The following LPIN1 variants were observed in gnomAD, a reference collection of about 807,000 sequenced individuals.
LPIN1 encodes phosphatidate phosphatase LPIN1.
LPIN1 carries 71 observed loss-of-function variants against 107.5 expected under a neutral mutation model. That is an observed-to-expected ratio of 0.66 (90% CI 0.55 to 0.80). LPIN1 has a LOEUF of 0.80. Among genes scored for constraint, LPIN1 ranks in the 30% least tolerant of loss-of-function variants. The probability of loss-of-function intolerance (pLI) is 0.00; values close to 1 mark genes in which losing one functional copy is unlikely to be tolerated. For synonymous variants in LPIN1, 445 were observed against 452.6 expected (o/e 0.98, Z 0.21); for missense variants, 1,043 against 1,160.6 (o/e 0.90, Z 1.47).
intron 6 of LPIN1, among the ~76,000 whole-genome samples, chr2:11,778,011 A>G (rs1295948532): frequency 2.6e-5 from 4 of 152,182 alleles, no homozygotes; most frequent in Admixed American, 2.6e-4. Context: ...TTCCCATTGC[A>G]GTGATACCGA....
chr2:11,784,913 T>G lies in LPIN1; in HGVS notation c.1386T>G (p.His462Gln). ...KNGDPSGLAKHASDNGARSAN... is the reference protein window; with the variant it reads ...KNGDPSGLAKQASDNGARSAN... ...GAGATCCTTCCGGACTCGCAAAACA[T>G]GCAAGCGACAACGGAGCCCGGTCAG... The change falls in exon 10 of 21, where the codon CAT becomes CAG. Residue 462 changes from histidine to glutamine, a missense_variant. Coordinates refer to ENST00000674199, the MANE Select transcript of LPIN1 (RefSeq NM_001349206.2). 6.2e-7 allele frequency: 1 copy of G among 1,613,842 alleles called. No individual in the cohort carries two copies.
intron 1 of LPIN1, among the ~76,000 whole-genome samples, chr2:11,708,193 C>G (rs1359921968): frequency 1.3e-5 from 2 of 152,252 alleles, no homozygotes; most frequent in Middle Eastern, 6.8e-3. Flanking sequence ...TCACTGTTGG[C>G]CCCCCGACAG....
rs905914903 is a variant in LPIN1 at position 11,802,214 on chromosome 2, A to G, written c.1887-693A>G. 2.0e-5 allele frequency among the ~76,000 whole-genome samples: 3 copies of G among 152,324 alleles called. No homozygotes were observed. In the East Asian group the frequency reaches 5.8e-4, roughly 29 times the overall value. ...CAGGATTTTCATTGAGTGAATAGCT[A>G]ATTACAGATATGCATTATGTGAGCT... On this transcript the variant is annotated intron_variant, in intron 14 of 20. Transcript: ENST00000674199.
upstream of LPIN1, among the ~76,000 whole-genome samples, chr2:11,719,908 TTTTTGTTCA>T (rs1161832667): frequency 7.2e-5 from 11 of 152,234 alleles, no homozygotes; most frequent in African/African-American, 2.6e-4. Flanking sequence ...GAATGGTCAT[TTTTTGTTCA>T]GTGAATTCTG....
At chr2:11,728,129 C>T (rs753894448) in intron 1 of LPIN1, among the ~76,000 whole-genome samples, 1 of 152,110 alleles carries the variant, frequency 6.6e-6, no homozygotes, top group Non-Finnish European at 1.5e-5. Context: ...TCTTTACTAC[C>T]ACATCCCATT....
At chr2:11,717,627 T>C (rs1663838595) in intron 2 of LPIN1, among the ~76,000 whole-genome samples, 1 of 152,184 alleles carries the variant, frequency 6.6e-6, no homozygotes, top group Admixed American at 6.6e-5. Context: ...GACCATATTT[T>C]TCATATGGCT....
At chr2:11,737,418 A>C (rs1210295523) in intron 1 of LPIN1, among the ~76,000 whole-genome samples, 1 of 152,264 alleles carries the variant, frequency 6.6e-6, no homozygotes, top group Non-Finnish European at 1.5e-5. Flanking sequence ...TTTGCACAGC[A>C]AAAGAAACTA....
At chr2:11,795,617 T>C (rs1318123461) in intron 14 of LPIN1, 130 bp downstream of exon 14, 14 of 855,108 alleles carry the variant, frequency 1.6e-5, no homozygotes, top group African/African-American at 3.3e-5. Context: ...CTTGGTGACC[T>C]GGAGCAATTT....
At chr2:11,692,172 T>C (rs895240535) in intron 1 of LPIN1, among the ~76,000 whole-genome samples, 4 of 152,262 alleles carry the variant, frequency 2.6e-5, no homozygotes, top group Non-Finnish European at 4.4e-5. Flanking sequence ...CCTAAGGAAA[T>C]GCTGGCATAT....
At chr2:11,768,488 A>G (rs1432256018) in intron 3 of LPIN1, among the ~76,000 whole-genome samples, 2 of 152,104 alleles carry the variant, frequency 1.3e-5, no homozygotes, top group African/African-American at 4.8e-5. Context: ...GAATGGAATT[A>G]CAGTATCTGG....
intron 1 of LPIN1, among the ~76,000 whole-genome samples, chr2:11,688,443 C>T (rs11691729): frequency 0.17 from 26,253 of 152,152 alleles, 2,538 homozygotes; most frequent in Middle Eastern, 0.23. Context: ...GACTGAGACT[C>T]TCTGCATGGC....
At chr2:11,719,227 T>A (rs1236387294) in intron 2 of LPIN1, among the ~76,000 whole-genome samples, 1 of 152,256 alleles carries the variant, frequency 6.6e-6, no homozygotes, top group Admixed American at 6.5e-5. Context: ...CCCCTGTTTG[T>A]TATTTTTCCT....
chr2:11,715,109 G>A (rs563521073), intron 2 of LPIN1, among the ~76,000 whole-genome samples: 10 of 152,326 alleles, frequency 6.6e-5, no homozygotes, highest in African/African-American at 2.4e-4. Flanking sequence ...TCCGCTCTGT[G>A]AGAAGGTGCA....
intron 14 of LPIN1, among the ~76,000 whole-genome samples, chr2:11,800,603 G>A (rs1004264573): frequency 1.5e-4 from 23 of 152,176 alleles, no homozygotes; most frequent in Admixed American, 1.1e-3. Flanking sequence ...GACAGGTTTT[G>A]CCATGTTGGT....
In LPIN1 at chr2:11,825,861, A is replaced by G. The variant is rs1682303231; in HGVS notation, c.*1070A>G. 1 of 151,956 alleles carries G rather than the reference A, an allele frequency of 6.6e-6. No individual in the cohort carries two copies. The highest frequency in any genetic ancestry group is 2.1e-4 in the South Asian group (1 of 4,834). The allele number at this position is 151,956 out of a possible 1,614,324, so 9.4% of individuals were successfully genotyped here. ...TATTCTTTCTATACCACTGTCATTA[A>G]TATATTAAAAAGATGTATGTGTTAG... On this transcript the variant is annotated 3_prime_UTR_variant, in exon 21 of 21. Coordinates refer to ENST00000674199, the MANE Select transcript of LPIN1 (RefSeq NM_001349206.2). This position sits in a 1 kb window ranked among gnomAD's most constrained non-coding sequence, Gnocchi z 4.1.
chr2:11,824,859 C>T lies in LPIN1; in HGVS notation c.*68C>T, dbSNP rs897059830. The T allele has an allele frequency of 1.5e-5, 24 of 1,570,680 alleles. No individual in the cohort carries two copies. Among genetic ancestry groups the T allele is most frequent in the Non-Finnish European group, 2.1e-5 (24 of 1,143,610 alleles). On this transcript the variant is annotated 3_prime_UTR_variant, in exon 21 of 21. Transcript: ENST00000674199. ...GTCACCCATTAAAGGATAGGTCTCC[C>T]CGGAGTGCACAGCTCCACCTGGGAG...
intron 1 of LPIN1, among the ~76,000 whole-genome samples, chr2:11,756,011 A>G (rs1174288403): frequency 6.6e-6 from 1 of 152,184 alleles, no homozygotes; most frequent in Non-Finnish European, 1.5e-5. Flanking sequence ...ATAAGCCACC[A>G]CGCCTGGCCA....
At chr2:11,798,917 G>T (rs1449220691) in intron 14 of LPIN1, among the ~76,000 whole-genome samples, 1 of 152,198 alleles carries the variant, frequency 6.6e-6, no homozygotes, top group Non-Finnish European at 1.5e-5. Context: ...ACACTGACAA[G>T]TGCTAACTTA....
At chr2:11,759,147 TTCTTTCTTTC>T (rs1419626630) in intron 1 of LPIN1, among the ~76,000 whole-genome samples, 3 of 143,580 alleles carry the variant, frequency 2.1e-5, no homozygotes, top group African/African-American at 5.3e-5. Flanking sequence ...CTTTCTTTCT[TTCTTTCTTTC>T]TTTCTTTCTT....
Sources: gnomAD v4.1 joint callset for allele counts (sites outside exome capture counted in the v4.1 genomes callset) on GRCh38, gnomAD v4.1.1 for gene constraint, Gnocchi (gnomAD v3.1) non-coding constraint, MANE v1.5 for transcripts, NCBI Gene and HGNC (gene_info 2026-07-23, HGNC 2026-07-21) for gene names.